Variants in C9orf43 observed in about 807,000 individuals in gnomAD.
C9orf43 encodes chromosome 9 open reading frame 43.
Under a neutral mutation model 59.1 loss-of-function variants are expected in C9orf43, and 45 were observed. The observed-to-expected ratio is 0.76, with a 90% CI of 0.60 to 0.98. The LOEUF (loss-of-function observed/expected upper bound fraction) is 0.98, where lower values mean the gene tolerates loss of function less well. C9orf43 is among the 50% of genes least tolerant of loss of function. The probability of loss-of-function intolerance (pLI) is 0.00; values close to 1 mark genes in which losing one functional copy is unlikely to be tolerated. For missense variants in C9orf43, 533 were observed against 554.9 expected, an observed-to-expected ratio of 0.96 and a Z score of 0.40; for synonymous variants, 203 against 196.8, an observed-to-expected ratio of 1.03 and a Z score of -0.26.
At chr9:113,426,078 G>T (rs1828782555) in intron 11 of C9orf43, among the ~76,000 whole-genome samples, 1 of 152,160 alleles carries the variant, frequency 6.6e-6, no homozygotes, top group Non-Finnish European at 1.5e-5. Flanking sequence ...AACCCTGAGG[G>T]CCCATTTTCC....
In C9orf43 at chr9:113,423,343, G is replaced by A. The variant is rs749442566; in HGVS notation, c.501G>A (p.Leu167=). The A allele has an allele frequency of 6.2e-7, 1 of 1,613,800 alleles. No individual in the cohort carries two copies. Among genetic ancestry groups the A allele is most frequent in the South Asian group, 1.1e-5 (1 of 91,044 alleles). ...TCTTCCAGAAAAGCAAGTCATTTCT[G>A]GGTCTCTCTGGAAATCAGTCCGCAG... ...KNSAVKSKSF[L]GLSGNQSAGT... The change falls in exon 7 of 14, where the codon CTG becomes CTA. Residue 167 remains leucine (L), a synonymous_variant. Coordinates refer to ENST00000374165, the MANE Select transcript of C9orf43 (RefSeq NM_001278629.2).
intron 1 of C9orf43, among the ~76,000 whole-genome samples, chr9:113,413,235 G>A (rs1029814029): frequency 4.6e-5 from 7 of 152,214 alleles, no homozygotes; most frequent in African/African-American, 1.7e-4. Context: ...CCAATTAGGA[G>A]ACCTGAAGTC....
In C9orf43 at chr9:113,429,389, A is replaced by AGCCTCTG; in HGVS notation, c.*5_*11dup. On this transcript the variant is annotated 3_prime_UTR_variant, in exon 14 of 14. Transcript: ENST00000374165. ...ACCAGTCCTCTGGGGCAGAGTGAGA[A>AGCCTCTG]GCCTCTGGAGGAATAGACTGAAGGC... 6.2e-7 allele frequency: 1 copy of AGCCTCTG among 1,613,346 alleles called. No individual in the cohort carries two copies. The highest frequency in any genetic ancestry group is 1.1e-5 in the South Asian group (1 of 91,042).
chr9:113,426,800 G>T (rs1828808158), intron 11 of C9orf43, among the ~76,000 whole-genome samples: 1 of 152,196 alleles, frequency 6.6e-6, no homozygotes, highest in Non-Finnish European at 1.5e-5. Flanking sequence ...GAGCAATTTT[G>T]CTTGGGTGAC....
At chr9:113,425,465 A>ATGT in intron 10 of C9orf43, 45 bp downstream of exon 10, 1 of 1,585,334 alleles carries the variant, frequency 6.3e-7, no homozygotes, top group Non-Finnish European at 8.6e-7. Context: ...AGAGGTCTAC[A>ATGT]GCCTGGAATG....
rs1828857902 is a variant in C9orf43 at position 113,428,131 on chromosome 9, A to G, written c.1031-16A>G. The G allele has an allele frequency of 6.2e-7, 1 of 1,613,740 alleles. No homozygotes were observed. The highest frequency in any genetic ancestry group is 2.2e-5 in the East Asian group (1 of 44,872). On this transcript the variant is annotated splice_polypyrimidine_tract_variant and intron_variant, in intron 11 of 13. Transcript: ENST00000374165. Reference sequence around the variant, plus strand: ...TGGTAATAAGAGGAAGATTGAATGGACTCTTTGGTTACTAGGTTACAGAAC... The same window carrying G: ...TGGTAATAAGAGGAAGATTGAATGGGCTCTTTGGTTACTAGGTTACAGAAC...
At chr9:113,420,394 T>G (rs1210709925) in intron 4 of C9orf43, among the ~76,000 whole-genome samples, 1 of 152,206 alleles carries the variant, frequency 6.6e-6, no homozygotes, top group African/African-American at 2.4e-5. Context: ...TTAAATTATT[T>G]TAAGTTAATT....
chr9:113,417,930 A>G (rs938652415), intron 3 of C9orf43, among the ~76,000 whole-genome samples: 1 of 152,140 alleles, frequency 6.6e-6, no homozygotes, highest in Non-Finnish European at 1.5e-5. Flanking sequence ...AAATTCCACT[A>G]TCATTCCTAA....
rs568592227 is a variant in C9orf43, at chr9:113,414,412, C to T, written c.287+518C>T. 4.2e-4 allele frequency among the ~76,000 whole-genome samples: 64 copies of T among 151,768 alleles called. 1 individual carries two copies. The highest frequency in any genetic ancestry group is 1.4e-3 in the African/African-American group (59 of 41,392). On this transcript the variant is annotated intron_variant, in intron 3 of 13. Transcript: ENST00000374165. ...ACCTCAGCCTCCCAAGTAGCTAGGA[C>T]TACAAGTGTGCACCACCACGCCTGG... is the stretch of plus-strand genomic sequence containing the variant.
chr9:113,427,805 G>T (rs1357517628), intron 11 of C9orf43, among the ~76,000 whole-genome samples: 4 of 152,140 alleles, frequency 2.6e-5, no homozygotes, highest in Admixed American at 2.0e-4. Flanking sequence ...TTTTTGCTTT[G>T]TTTATGGGTA....
intron 3 of C9orf43, among the ~76,000 whole-genome samples, chr9:113,417,670 T>C (rs1828416973): frequency 6.6e-6 from 1 of 151,688 alleles, no homozygotes; most frequent in Non-Finnish European, 1.5e-5. Flanking sequence ...GAAATGGGGG[T>C]TGTAGGTGGG....
At chr9:113,418,217 C>T (rs1034052891) in intron 3 of C9orf43, among the ~76,000 whole-genome samples, 4 of 152,204 alleles carry the variant, frequency 2.6e-5, no homozygotes, top group African/African-American at 9.7e-5. Context: ...TTAACAGCAA[C>T]TCCCCATTCC....
At chr9:113,427,998 CAGA>C in intron 11 of C9orf43, 146 bp from the exon 12 acceptor site, 1 of 707,840 alleles carries the variant, frequency 1.4e-6, no homozygotes, top group Non-Finnish European at 2.5e-6. Context: ...AAGTAGAACT[CAGA>C]AGGTCTAACT....
rs1309363756 is a variant in C9orf43, at chr9:113,422,660, C to T, written c.483+75C>T. 6 of 1,533,810 alleles carry T rather than the reference C, an allele frequency of 3.9e-6. No homozygotes were observed. The African/African-American group carries it at 6.9e-5, about 18-fold the overall frequency. On this transcript the variant is annotated intron_variant, in intron 6 of 13. Coordinates refer to ENST00000374165, the MANE Select transcript of C9orf43 (RefSeq NM_001278629.2). ...TTATTTTGTTTTCCTTTCAGGTCTCCTCCACCTTACCCCCGTTCTTTCCTG... is the reference window on the plus strand; with the variant it reads ...TTATTTTGTTTTCCTTTCAGGTCTCTTCCACCTTACCCCCGTTCTTTCCTG...
intron 8 of C9orf43, 125 bp downstream of exon 8, chr9:113,424,441 C>T (rs754194807): frequency 9.9e-7 from 1 of 1,014,046 alleles, no homozygotes; most frequent in Non-Finnish European, 1.4e-6. Flanking sequence ...GAACCCATGC[C>T]CCAGAGAAGG....
intron 12 of C9orf43, among the ~76,000 whole-genome samples, 195 bp downstream of exon 12, chr9:113,428,418 C>T (rs760913104): frequency 1.6e-4 from 25 of 152,176 alleles, no homozygotes; most frequent in Non-Finnish European, 3.5e-4. Context: ...GTTTTCCTTC[C>T]TGAGGCCTCT....
At position 113,413,786 on chromosome 9, in the gene C9orf43, AC is replaced by A; in HGVS notation, c.180del (p.Asp60GlufsTer3). The A allele has an allele frequency of 3.1e-6, 5 of 1,614,172 alleles. No individual in the cohort carries two copies. In the African/African-American group the frequency reaches 6.7e-5, roughly 22 times the overall value. ...EDKLPVLTVV[D>X]ILDSGFAAHH... ...AAACTCCCAGTGCTCACCGTGGTAG[AC>A]ATCTTAGATTCCGGCTTTGCAGCTC... On this transcript the variant is annotated frameshift_variant, in exon 3 of 14. Coordinates refer to ENST00000374165, the MANE Select transcript of C9orf43 (RefSeq NM_001278629.2). LOFTEE classifies it high-confidence loss of function.
intron 11 of C9orf43, among the ~76,000 whole-genome samples, chr9:113,426,510 C>T (rs1263493882): frequency 6.6e-6 from 1 of 152,156 alleles, no homozygotes; most frequent in Non-Finnish European, 1.5e-5. Flanking sequence ...AAGAGCTCTC[C>T]AATCCTGGGG....
At chr9:113,420,952 T>G in intron 4 of C9orf43, 151 bp from the exon 5 acceptor site, 3 of 803,646 alleles carry the variant, frequency 3.7e-6, no homozygotes, top group Non-Finnish European at 5.7e-6. Context: ...GAGTAGTCTG[T>G]TTTTTTTGGG....
Sources: gnomAD v4.1 joint callset for allele counts (sites outside exome capture counted in the v4.1 genomes callset) on GRCh38, gnomAD v4.1.1 for gene constraint, MANE v1.5 for transcripts, NCBI Gene and HGNC (gene_info 2026-07-23, HGNC 2026-07-21) for gene names.